MXD3: variants seen among roughly 807,000 people sequenced by gnomAD.
MXD3 encodes Max-associated protein 3.
In MXD3, 20 loss-of-function variants were observed where a neutral mutation model predicts 27.5. That is an observed-to-expected ratio of 0.73 (90% confidence interval 0.51 to 1.06). The LOEUF (loss-of-function observed/expected upper bound fraction) is 1.06, where lower values mean the gene tolerates loss of function less well. Ranked by LOEUF, MXD3 falls within the 50% of genes least tolerant of loss-of-function variation. MXD3 has a pLI of 0.00. For synonymous variants in MXD3, 150 were observed against 130.7 expected (o/e 1.15, Z -1.01); for missense variants, 298 against 291.3 (o/e 1.02, Z -0.17).
At chr5:177,305,962 T>C, downstream of MXD3, 10 of 1,614,124 alleles carry the variant, frequency 6.2e-6, no homozygotes, top group Non-Finnish European at 8.5e-6. Context: ...TCTAGCTTAT[T>C]TGGTGTCTCC....
In MXD3 at chr5:177,307,805, A is replaced by G; in HGVS notation, c.481T>C (p.Ser161Pro). 6.2e-7 allele frequency: 1 copy of G among 1,613,066 alleles called. No homozygotes were observed. The highest frequency in any genetic ancestry group is 8.5e-7 in the Non-Finnish European group (1 of 1,179,752). The change falls in exon 5 of 6, where the codon TCT becomes CCT. Residue 161 changes from serine (S) to proline (P), a missense_variant. Ser to Pro is a moderately conservative substitution (Grantham distance 74). Transcript: ENST00000439742. ...CCTTGGTCTGAGTCTGAGCGCTCAGAGGAGAGGCCTGAGGAGTCCAGACTG... is the reference window on the plus strand; with the variant it reads ...CCTTGGTCTGAGTCTGAGCGCTCAGGGGAGAGGCCTGAGGAGTCCAGACTG... ...ADSLDSSGLS[S>P]ERSDSDQEEL...
rs1309889114 is a variant in MXD3 at position 177,307,798 on chromosome 5, C to G, written c.488G>C (p.Arg163Pro). ...SLDSSGLSSERSDSDQEELEV... is the reference protein window; with the variant it reads ...SLDSSGLSSEPSDSDQEELEV... ...GCACTCACCTTGGTCTGAGTCTGAG[C>G]GCTCAGAGGAGAGGCCTGAGGAGTC... The change falls in exon 5 of 6, where the codon CGC becomes CCC. Residue 163 changes from arginine to proline, a missense_variant. Physicochemically the swap from Arg to Pro is moderately radical, Grantham distance 103. Transcript: ENST00000439742. The G allele has an allele frequency of 2.5e-6, 4 of 1,613,082 alleles. No homozygotes were observed. Among genetic ancestry groups the G allele is most frequent in the Non-Finnish European group, 3.4e-6 (4 of 1,179,772 alleles).
In MXD3 at chr5:177,307,542, G is replaced by A. The variant is rs755518962; in HGVS notation, c.*46C>T. 1.3e-5 allele frequency: 20 copies of A among 1,597,794 alleles called. No individual in the cohort carries two copies. In the Admixed American group the frequency reaches 1.4e-4, roughly 11 times the overall value. ...GGGGAGGGCTCCTGCCTGGCAAGTG[G>A]GCCTGGCACGAGTAGAGGGCAGAGG... On this transcript the variant is annotated 3_prime_UTR_variant, in exon 6 of 6. Coordinates refer to ENST00000439742, the MANE Select transcript of MXD3 (RefSeq NM_031300.4).
chr5:177,308,947 A>G (rs779598671), intron 4 of MXD3, among the ~76,000 whole-genome samples: 40 of 152,196 alleles, frequency 2.6e-4, no homozygotes, highest in Non-Finnish European at 3.2e-4. Context: ...CAGTGGGCAG[A>G]AGCTTACATT....
downstream of MXD3, chr5:177,305,827 C>A: frequency 6.4e-7 from 1 of 1,556,026 alleles, no homozygotes; most frequent in Non-Finnish European, 8.8e-7. Context: ...TGCAAGTTGG[C>A]AAAATGAAAG....
intron 4 of MXD3, among the ~76,000 whole-genome samples, chr5:177,308,552 T>C (rs1270537682): frequency 1.3e-5 from 2 of 152,058 alleles, no homozygotes. Context: ...TTTGTATTTT[T>C]AGTGGAGACG....
intron 1 of MXD3, 44 bp from the exon 2 acceptor site, chr5:177,311,528 T>C (rs1300099083): frequency 7.3e-7 from 1 of 1,368,470 alleles, no homozygotes; most frequent in Middle Eastern, 1.9e-4. Flanking sequence ...GGGCTGGACC[T>C]GGTCCCAGCG....
upstream of MXD3, chr5:177,312,296 GGGGCCTCCGGCCGCC>G: frequency 1.0e-6 from 1 of 986,440 alleles, no homozygotes; most frequent in Non-Finnish European, 1.2e-6. Context: ...CCGCGGGGGC[GGGGCCTCCGGCCGCC>G]GCTCGCCCAT....
chr5:177,312,252 T>C, upstream of MXD3: 1 of 986,786 alleles, frequency 1.0e-6, no homozygotes, highest in Non-Finnish European at 1.2e-6. Context: ...GGTGGTCCCC[T>C]GAAAGCGCCG....
upstream of MXD3, chr5:177,312,673 A>C: frequency 1.0e-6 from 1 of 985,394 alleles, no homozygotes. Context: ...TTCTGTGAGG[A>C]AGCTGTTGTT....
rs372638315 is a variant in MXD3, at chr5:177,311,248, G to A, written c.176+131C>T. On this transcript the variant is annotated intron_variant, in intron 2 of 5. Transcript: ENST00000439742. ...GTGTTTGGAGAGTGGGGAGATGGCA[G>A]GAGGGGTCTGAACGCTTCCTGGAGC... 674 of 553,840 alleles carry A rather than the reference G, an allele frequency of 1.2e-3. 6 individuals carry two copies. Among genetic ancestry groups the A allele is most frequent in the South Asian group, 0.011 (416 of 37,656 alleles). The allele number at this position is 553,840 out of a possible 1,614,324, so 34.3% of individuals were successfully genotyped here. A position where few individuals can be genotyped will look rare whatever the true frequency, so the allele number is the denominator to read the frequency against.
intron 1 of MXD3, 93 bp downstream of exon 1, chr5:177,311,668 G>A: frequency 7.3e-7 from 1 of 1,374,450 alleles, no homozygotes; most frequent in Non-Finnish European, 1.0e-6. Flanking sequence ...TACTGTCCTA[G>A]GGCGGTGCAT....
At chr5:177,305,932 G>A (rs750714431), downstream of MXD3, 11 of 1,614,162 alleles carry the variant, frequency 6.8e-6, no homozygotes, top group South Asian at 1.1e-5. Context: ...ACTGAAATCC[G>A]CCGGGAAGCC....
At chr5:177,310,789 A>T (rs1212010873) in intron 2 of MXD3, 92 bp from the exon 3 acceptor site, 1 of 1,447,344 alleles carries the variant, frequency 6.9e-7, no homozygotes, top group African/African-American at 1.4e-5. Flanking sequence ...GCCACTACAG[A>T]TGTCTGCCCC....
chr5:177,306,092 T>C, downstream of MXD3: 1 of 1,609,992 alleles, frequency 6.2e-7, no homozygotes, highest in Admixed American at 1.7e-5. Context: ...TCTCATCTCA[T>C]GCCAGGAATT....
Position 177,307,389 on chromosome 5 carries a change from G to T in MXD3, c.*199C>A. On this transcript the variant is annotated 3_prime_UTR_variant, in exon 6 of 6. Coordinates refer to ENST00000439742, the MANE Select transcript of MXD3 (RefSeq NM_031300.4). ...CAGGGGTCCAGGGAGGTCCTGATGA[G>T]TCCTGCCCCTTCCCTTCCAGAGGGC... 1 of 1,493,552 alleles carries T rather than the reference G, an allele frequency of 6.7e-7. No individual in the cohort carries two copies. 92.5% of individuals were successfully genotyped at this position (1,493,552 alleles called of 1,614,324 possible). A position where few individuals can be genotyped will look rare whatever the true frequency, so the allele number is the denominator to read the frequency against.
chr5:177,311,150 C>T, intron 2 of MXD3: 1 of 524,276 alleles, frequency 1.9e-6, no homozygotes, highest in South Asian at 2.9e-5. Flanking sequence ...GGGACCCCAA[C>T]TGCTGTTGGC....
intron 4 of MXD3, among the ~76,000 whole-genome samples, 166 bp downstream of exon 4, chr5:177,310,260 C>T (rs1427468010): frequency 6.6e-6 from 1 of 152,244 alleles, no homozygotes; most frequent in East Asian, 1.9e-4. Flanking sequence ...GTCTGCTTTT[C>T]TTCCCATTTA....
chr5:177,307,572 C>T lies in MXD3; in HGVS notation c.*16G>A, dbSNP rs773811893. 1 of 1,611,134 alleles carries T rather than the reference C, an allele frequency of 6.2e-7. No homozygotes were observed. On this transcript the variant is annotated 3_prime_UTR_variant, in exon 6 of 6. Transcript: ENST00000439742. ...GGCACGAGTAGAGGGCAGAGGCCCG[C>T]CCTGGGTGAGGAACATCATAGCCAG...
Sources: allele counts gnomAD v4.1 joint callset (sites outside exome capture counted in the v4.1 genomes callset), GRCh38; gene constraint gnomAD v4.1.1; transcripts MANE v1.5; gene names NCBI Gene and HGNC (gene_info 2026-07-23, HGNC 2026-07-21).